The following PTPRT variants were observed in gnomAD, a reference collection of about 807,000 sequenced individuals.
The protein encoded by PTPRT is protein tyrosine phosphatase receptor type T, also known as receptor-type tyrosine-protein phosphatase T.
A neutral mutation model predicts 176.8 loss-of-function variants in PTPRT; 56 were observed. That is an observed-to-expected ratio of 0.32 (90% CI 0.26 to 0.40). The LOEUF is 0.40. Among genes scored for constraint, PTPRT ranks in the 10% least tolerant of loss-of-function variants. The pLI, the probability that PTPRT is intolerant of heterozygous loss-of-function variation, is 1.00. For synonymous variants in PTPRT, 783 were observed against 739.0 expected, an observed-to-expected ratio of 1.06 and a Z score of -0.96; for missense variants, 1,540 against 1,908.2, an observed-to-expected ratio of 0.81 and a Z score of 3.60.
At position 42,411,460 on chromosome 20, in the gene PTPRT, T is replaced by G. The variant is rs187103871; in HGVS notation, c.1560+36760A>C. ...TGAACCAGGGAGGCAGAGGTTGTAG[T>G]GAGCCGAGATCGCACCATTGCACTA... is the stretch of plus-strand genomic sequence containing the variant. On this transcript the variant is annotated intron_variant, in intron 9 of 30. Coordinates refer to ENST00000373187, the MANE Select transcript of PTPRT (RefSeq NM_007050.6). Among the ~76,000 whole-genome samples, 908 of 141,420 alleles carry G rather than the reference T, an allele frequency of 6.4e-3. 12 individuals carry two copies. The highest frequency in any genetic ancestry group is 0.023 in the African/African-American group (867 of 37,484). The allele number at this position is 141,420 out of a possible 152,430, so 92.8% of individuals were successfully genotyped here. A position where few individuals can be genotyped will look rare whatever the true frequency, so the allele number is the denominator to read the frequency against.
chr20:42,549,497 C>G (rs761886250), intron 7 of PTPRT, among the ~76,000 whole-genome samples: 8 of 152,092 alleles, frequency 5.3e-5, no homozygotes, highest in Non-Finnish European at 1.2e-4. Flanking sequence ...ATAAAAGAAA[C>G]AAGCAGGAGT....
In PTPRT at chr20:43,180,984, A is replaced by T. The variant is rs76282805; in HGVS notation, c.88+8662T>A. Among the ~76,000 whole-genome samples the T allele has an allele frequency of 3.3e-5, 5 of 152,224 alleles. No individual in the cohort carries two copies. In the East Asian group the frequency reaches 9.7e-4, roughly 29 times the overall value. ...CCAAATTAGGTTACAAAGGACTGTGACTTCCATCTTGCTCACACTCTCTCC... is the reference window on the plus strand; with the variant it reads ...CCAAATTAGGTTACAAAGGACTGTGTCTTCCATCTTGCTCACACTCTCTCC... On this transcript the variant is annotated intron_variant, in intron 1 of 30. Coordinates refer to ENST00000373187, the MANE Select transcript of PTPRT (RefSeq NM_007050.6).
intron 18 of PTPRT, among the ~76,000 whole-genome samples, chr20:42,140,106 T>G (rs921840756): frequency 6.6e-6 from 1 of 152,256 alleles, no homozygotes; most frequent in Non-Finnish European, 1.5e-5. Context: ...CTTTACAATC[T>G]GCCTGTATCT....
At chr20:42,211,762 G>A (rs372935787) in intron 15 of PTPRT, among the ~76,000 whole-genome samples, 108 of 145,594 alleles carry the variant, frequency 7.4e-4, no homozygotes, top group African/African-American at 2.5e-3. Context: ...ATCTAGAACT[G>A]GAAATACCAT....
chr20:42,121,269 C>T (rs1193173037), intron 19 of PTPRT, among the ~76,000 whole-genome samples: 1 of 152,180 alleles, frequency 6.6e-6, no homozygotes, highest in Non-Finnish European at 1.5e-5. Flanking sequence ...GGCACCAATC[C>T]AGGGGCAATG....
intron 11 of PTPRT, among the ~76,000 whole-genome samples, chr20:42,320,359 G>T (rs1260799504): frequency 1.3e-5 from 2 of 152,148 alleles, no homozygotes; most frequent in African/African-American, 4.8e-5. Flanking sequence ...GGGGACCAGG[G>T]ACCTATCAGA....
chr20:42,409,683 A>G (rs1335385510), intron 9 of PTPRT, among the ~76,000 whole-genome samples: 3 of 152,206 alleles, frequency 2.0e-5, no homozygotes, highest in African/African-American at 7.2e-5. Context: ...AATATAACGG[A>G]ACTAAGATGA....
At chr20:42,289,607 T>C (rs1052487532) in intron 12 of PTPRT, among the ~76,000 whole-genome samples, 1 of 152,090 alleles carries the variant, frequency 6.6e-6, no homozygotes, top group Non-Finnish European at 1.5e-5. Context: ...ATGGCTATTA[T>C]TAAAAAGTCA....
At chr20:42,915,137 T>C (rs1342209270) in intron 1 of PTPRT, among the ~76,000 whole-genome samples, 1 of 152,250 alleles carries the variant, frequency 6.6e-6, no homozygotes, top group Non-Finnish European at 1.5e-5. Flanking sequence ...TAATGTTTCG[T>C]GGTCAGAGCA....
chr20:42,701,351 A>G (rs1330944155), intron 6 of PTPRT, among the ~76,000 whole-genome samples: 5 of 152,200 alleles, frequency 3.3e-5, no homozygotes, highest in Non-Finnish European at 7.3e-5. Flanking sequence ...TAACCCACAC[A>G]ACAGTAGATT....
chr20:42,033,632 C>CT, the PTPRT span, among the ~76,000 whole-genome samples: 1 of 152,130 alleles, frequency 6.6e-6, no homozygotes, highest in Non-Finnish European at 1.5e-5. Context: ...GAGGCCTGGG[C>CT]TGATAGTCTG....
intron 9 of PTPRT, among the ~76,000 whole-genome samples, chr20:42,370,099 A>G (rs1042258338): frequency 6.6e-6 from 1 of 152,168 alleles, no homozygotes; most frequent in Admixed American, 6.5e-5. Flanking sequence ...GGATTCATCC[A>G]AAGTGCAGAC....
chr20:43,003,382 G>A (rs1010082219), intron 1 of PTPRT, among the ~76,000 whole-genome samples: 66 of 152,174 alleles, frequency 4.3e-4, no homozygotes, highest in African/African-American at 1.5e-3. Flanking sequence ...GAGACTAGGG[G>A]CCGGTGGGAG....
chr20:42,905,007 G>C (rs2079455790), intron 1 of PTPRT, among the ~76,000 whole-genome samples: 1 of 152,166 alleles, frequency 6.6e-6, no homozygotes, highest in African/African-American at 2.4e-5. Context: ...ATAGGCATGG[G>C]CAAGGACTTC....
At chr20:42,734,200 AAGATCCTGGGACTGGGATCCTCAT>A (rs1324134284) in intron 6 of PTPRT, among the ~76,000 whole-genome samples, 2 of 152,144 alleles carry the variant, frequency 1.3e-5, no homozygotes, top group African/African-American at 4.8e-5. Flanking sequence ...GCTGAGCCAC[AAGATCCTGGGACTGGGATCCTCAT>A]AGACCTCTGG....
intron 1 of PTPRT, among the ~76,000 whole-genome samples, chr20:43,040,191 A>C (rs1019449092): frequency 6.6e-6 from 1 of 152,234 alleles, no homozygotes; most frequent in Non-Finnish European, 1.5e-5. Flanking sequence ...TTCTTACCTC[A>C]CTAATAACTG....
At chr20:42,365,522 C>T (rs1001604332) in intron 9 of PTPRT, among the ~76,000 whole-genome samples, 2 of 151,870 alleles carry the variant, frequency 1.3e-5, no homozygotes, top group East Asian at 3.9e-4. Context: ...CTCTTGGGGT[C>T]GATGGCACCC....
At position 42,102,192 on chromosome 20, in the gene PTPRT, G is replaced by C; in HGVS notation, c.3646C>G (p.Arg1216Gly). The C allele has an allele frequency of 6.2e-7, 1 of 1,614,162 alleles. No homozygotes were observed. The highest frequency in any genetic ancestry group is 2.2e-5 in the East Asian group (1 of 44,872). Residue 1216 changes from arginine to glycine, a missense_variant, in exon 26 of 31, where the codon CGC (arginine) becomes GGC (glycine). This residue lies in a region of PTPRT where 342 missense variants were observed against 394.0 expected (regional missense o/e 0.87). Transcript: ENST00000373187. ...NRSMDVLPLD[R>G]CLPFLISVDG... ...ACTGAGATAAGGAAGGGCAGGCAGC[G>C]GTCCAGAGGCAGCACGTCCATACTT...
intron 7 of PTPRT, among the ~76,000 whole-genome samples, chr20:42,472,891 C>T (rs975538500): frequency 4.6e-5 from 7 of 152,180 alleles, no homozygotes; most frequent in Non-Finnish European, 1.0e-4. Context: ...CTTCTTGGTA[C>T]CACACACAGC....
Sources: allele counts gnomAD v4.1 joint callset (sites outside exome capture counted in the v4.1 genomes callset), GRCh38; gene constraint gnomAD v4.1.1; regional missense constraint gnomAD v4.1.1; transcripts MANE v1.5; gene names NCBI Gene and HGNC (gene_info 2026-07-23, HGNC 2026-07-21).